The following PDIA6 variants were observed in gnomAD, a reference collection of about 807,000 sequenced individuals.
The protein encoded by PDIA6 is protein disulfide isomerase family A member 6, also known as protein disulfide-isomerase A6.
In PDIA6, 29 loss-of-function variants were observed where a neutral mutation model predicts 58.4. The ratio of observed to expected loss-of-function variants is 0.50; its 90% CI spans 0.37 to 0.68. PDIA6 has a LOEUF of 0.68. PDIA6 is among the 30% of genes least tolerant of loss of function. The probability of loss-of-function intolerance (pLI) is 0.00; values close to 1 mark genes in which losing one functional copy is unlikely to be tolerated. For synonymous variants in PDIA6, 192 were observed against 202.6 expected, an observed-to-expected ratio of 0.95 and a Z score of 0.44; for missense variants, 480 against 551.0, an observed-to-expected ratio of 0.87 and a Z score of 1.29.
chr2:10,793,776 G>T (rs1471552875), intron 4 of PDIA6, among the ~76,000 whole-genome samples: 1 of 152,184 alleles, frequency 6.6e-6, no homozygotes, highest in Non-Finnish European at 1.5e-5. Context: ...GGATGAATAA[G>T]AAGCTTAATA....
chr2:10,791,150 CTT>C (rs11347142), intron 6 of PDIA6, among the ~76,000 whole-genome samples: 3 of 148,902 alleles, frequency 2.0e-5, no homozygotes, highest in Admixed American at 6.7e-5. Flanking sequence ...CTTTTCTTTT[CTT>C]TTTTTTTTTA....
rs1665951732 is a variant in PDIA6 at position 10,789,865 on chromosome 2, T to A, written c.724A>T (p.Ile242Leu). 1.9e-6 allele frequency: 3 copies of A among 1,613,700 alleles called. No individual in the cohort carries two copies. Among genetic ancestry groups the A allele is most frequent in the Non-Finnish European group, 8.5e-7 (1 of 1,179,666 alleles). ...ACAGGAGACTCGCCTTTCTGAAATA[T>A]CTTGATTGTAGGAAATCCTCTAATC... ...YGIRGFPTIK[I>L]FQKGESPVDY... is the part of the protein sequence containing the mutation. Residue 242 changes from isoleucine to leucine, a missense_variant, in exon 8 of 13, where the codon ATA (isoleucine) becomes TTA (leucine). By Grantham distance (5) the Ile-to-Leu change is conservative. Coordinates refer to ENST00000272227, the MANE Select transcript of PDIA6 (RefSeq NM_005742.4).
chr2:10,788,568 G>GA (rs139639749), intron 10 of PDIA6, 129 bp downstream of exon 10: 167,497 of 590,522 alleles, frequency 0.28, 7,226 homozygotes, highest in East Asian at 0.33. Flanking sequence ...AGGCAGGAGG[G>GA]AAAAAAAAAA....
rs2148539323 is a variant in PDIA6 at position 10,791,851 on chromosome 2, G to A, written c.528C>T (p.Asp176=). 1 of 1,614,056 alleles carries A rather than the reference G, an allele frequency of 6.2e-7. No individual in the cohort carries two copies. Among genetic ancestry groups the A allele is most frequent in the Non-Finnish European group, 8.5e-7 (1 of 1,179,928 alleles). ...ACTCAACCATCCAAACATCTTCACT[G>A]TCCAGAACATTCTTATCAAAGCTGT... ...TDDSFDKNVL[D]SEDVWMVEFY... The change falls in exon 6 of 13, where the codon GAC becomes GAT. Residue 176 remains aspartate (D), a synonymous_variant. Transcript: ENST00000272227.
rs1482491243 is a variant in PDIA6 at position 10,809,663 on chromosome 2, A to AC, written c.19+3014_19+3015insG. ...CCGGTCTCAAAAAAAAAAAAAAAAA[A>AC]AAAAAAAAACCCAAAAAATAGGATA... is the stretch of plus-strand genomic sequence containing the variant. On this transcript the variant is annotated intron_variant, in intron 1 of 12. Coordinates refer to ENST00000272227, the MANE Select transcript of PDIA6 (RefSeq NM_005742.4). Among the ~76,000 whole-genome samples, 10 of 150,770 alleles carry AC rather than the reference A, an allele frequency of 6.6e-5. 1 individual carries two copies. The highest frequency in any genetic ancestry group is 7.4e-5 in the Non-Finnish European group (5 of 67,702).
At chr2:10,837,122 A>G (rs931128518), upstream of PDIA6, among the ~76,000 whole-genome samples, 4 of 152,128 alleles carry the variant, frequency 2.6e-5, no homozygotes, top group Admixed American at 6.5e-5. Flanking sequence ...AGGATCAAGG[A>G]GCTGGCTCTG....
chr2:10,787,499 TAGA>T (rs966688187), intron 10 of PDIA6, 60 bp from the exon 11 acceptor site: 24 of 1,411,872 alleles, frequency 1.7e-5, no homozygotes, highest in African/African-American at 2.9e-5. Flanking sequence ...ACGATCTAAC[TAGA>T]AGATCTTAGA....
At chr2:10,825,828 A>C (rs868412965) in intron 1 of PDIA6, among the ~76,000 whole-genome samples, 15 of 152,222 alleles carry the variant, frequency 9.9e-5, no homozygotes, top group Non-Finnish European at 2.9e-5. Context: ...GAGAATAACA[A>C]GTGTTGGTGA....
intron 2 of PDIA6, among the ~76,000 whole-genome samples, chr2:10,800,796 C>T (rs949510891): frequency 6.6e-6 from 1 of 151,900 alleles, no homozygotes; most frequent in Non-Finnish European, 1.5e-5. Context: ...ATTTTCGTAG[C>T]GATAGGGTCT....
intron 1 of PDIA6, among the ~76,000 whole-genome samples, chr2:10,806,394 A>T: frequency 6.7e-6 from 1 of 150,266 alleles, no homozygotes; most frequent in Non-Finnish European, 1.5e-5. Flanking sequence ...GAGAGAAAAT[A>T]TTTTTGTACT....
At chr2:10,794,776 A>C (rs1032730961) in intron 4 of PDIA6, among the ~76,000 whole-genome samples, 1 of 151,600 alleles carries the variant, frequency 6.6e-6, no homozygotes, top group African/African-American at 2.4e-5. Flanking sequence ...AAAATACAAC[A>C]ATTAGCCGGG....
intron 2 of PDIA6, among the ~76,000 whole-genome samples, chr2:10,801,054 G>A (rs1449507020): frequency 1.3e-5 from 2 of 152,130 alleles, no homozygotes; most frequent in African/African-American, 2.4e-5. Context: ...CGAGACAGGC[G>A]AATTGCTTGA....
At chr2:10,824,561 G>A (rs1572705528) in intron 1 of PDIA6, among the ~76,000 whole-genome samples, 1 of 152,220 alleles carries the variant, frequency 6.6e-6, no homozygotes, top group East Asian at 1.9e-4. Flanking sequence ...ACCAATCAGA[G>A]TGAAGCTCTG....
rs1320001420 is a variant in PDIA6, at chr2:10,790,736, G to C, written c.682C>G (p.Leu228Val). The change falls in exon 7 of 13, where the codon CTG (leucine) becomes GTG (valine). Residue 228 changes from leucine to valine, a missense_variant. Coordinates refer to ENST00000272227, the MANE Select transcript of PDIA6 (RefSeq NM_005742.4). The stretch of plus-strand genomic sequence containing the variant: ...ATACTCACCCCGTATCGGGAGGCCA[G>C]AACCTGATTGACTGTAGCATCCACA... ...AAVDATVNQV[L>V]ASRYGIRGFP... The C allele has an allele frequency of 6.2e-7, 1 of 1,612,916 alleles. No individual in the cohort carries two copies. Among genetic ancestry groups the C allele is most frequent in the Non-Finnish European group, 8.5e-7 (1 of 1,178,852 alleles).
chr2:10,795,079 C>T (rs1666210779), intron 4 of PDIA6, among the ~76,000 whole-genome samples: 1 of 152,198 alleles, frequency 6.6e-6, no homozygotes, highest in Non-Finnish European at 1.5e-5. Context: ...AGCCTCTGCT[C>T]CTTATCTATG....
chr2:10,809,377 G>A (rs530358495), intron 1 of PDIA6, among the ~76,000 whole-genome samples: 2 of 152,208 alleles, frequency 1.3e-5, no homozygotes, highest in Non-Finnish European at 2.9e-5. Context: ...CTCTGAATAA[G>A]CTTGAAAGTA....
At chr2:10,797,911 A>G (rs1324427096) in intron 2 of PDIA6, among the ~76,000 whole-genome samples, 154 bp from the exon 3 acceptor site, 3 of 152,218 alleles carry the variant, frequency 2.0e-5, no homozygotes, top group Admixed American at 6.5e-5. Context: ...AAGGCCGGGC[A>G]CGGTGTCTCA....
At chr2:10,814,779 C>T (rs1016684611), upstream of PDIA6, among the ~76,000 whole-genome samples, 3 of 152,188 alleles carry the variant, frequency 2.0e-5, no homozygotes, top group African/African-American at 2.4e-5. Flanking sequence ...AACGCACTCA[C>T]GATCGAGTTT....
chr2:10,797,453 T>G (rs898465073), intron 3 of PDIA6, among the ~76,000 whole-genome samples: 10 of 152,178 alleles, frequency 6.6e-5, no homozygotes, highest in Non-Finnish European at 1.0e-4. Flanking sequence ...TAACTGTCAT[T>G]TATCTGGGAA....
Sources: allele counts gnomAD v4.1 joint callset (sites outside exome capture counted in the v4.1 genomes callset), GRCh38; gene constraint gnomAD v4.1.1; transcripts MANE v1.5; gene names NCBI Gene and HGNC (gene_info 2026-07-23, HGNC 2026-07-21).